The following CNTNAP2 variants were observed in gnomAD, a reference collection of about 807,000 sequenced individuals.
CNTNAP2 encodes the protein contactin-associated protein-like 2.
Under a neutral mutation model 155.2 loss-of-function variants are expected in CNTNAP2, and 98 were observed. That is an observed-to-expected ratio of 0.63 (90% CI 0.54 to 0.75). The LOEUF is 0.75. CNTNAP2 is among the 30% of genes least tolerant of loss of function. The pLI is 0.00. For missense variants in CNTNAP2, 1,727 were observed against 1,688.1 expected (o/e 1.02, Z -0.40); for synonymous variants, 651 against 631.2 (o/e 1.03, Z -0.47).
At chr7:146,926,600 C>G (rs894210809) in intron 3 of CNTNAP2, among the ~76,000 whole-genome samples, 7 of 151,938 alleles carry the variant, frequency 4.6e-5, no homozygotes, top group Non-Finnish European at 1.0e-4. Context: ...AGTCTATTAC[C>G]CAGGCTTGTG....
At chr7:147,609,689 G>A (rs984923986) in intron 12 of CNTNAP2, among the ~76,000 whole-genome samples, 1 of 152,158 alleles carries the variant, frequency 6.6e-6, no homozygotes, top group African/African-American at 2.4e-5. Flanking sequence ...TATCCTCTGA[G>A]GGTTTGATGA....
chr7:146,590,792 C>T (rs1798769846), intron 1 of CNTNAP2, among the ~76,000 whole-genome samples: 1 of 152,190 alleles, frequency 6.6e-6, no homozygotes, highest in South Asian at 2.1e-4. Flanking sequence ...TATCACACAG[C>T]ATGGTAGGCA....
intron 9 of CNTNAP2, among the ~76,000 whole-genome samples, chr7:147,358,262 T>C (rs1343953825): frequency 6.6e-6 from 1 of 152,182 alleles, no homozygotes; most frequent in Non-Finnish European, 1.5e-5. Flanking sequence ...GCAGATTTTC[T>C]TAAACCTCAG....
At chr7:146,435,300 A>T (rs577194451) in intron 1 of CNTNAP2, among the ~76,000 whole-genome samples, 1 of 152,298 alleles carries the variant, frequency 6.6e-6, no homozygotes, top group African/African-American at 2.4e-5. Context: ...TAATTCTTGT[A>T]AATTTAACTC....
chr7:147,239,627 A>T (rs1385119322), intron 8 of CNTNAP2, among the ~76,000 whole-genome samples: 2 of 152,138 alleles, frequency 1.3e-5, no homozygotes, highest in Non-Finnish European at 1.5e-5. Context: ...TGACTATATT[A>T]TGAAGGACAA....
At chr7:148,148,589 C>G (rs1294490930) in intron 17 of CNTNAP2, among the ~76,000 whole-genome samples, 2 of 152,210 alleles carry the variant, frequency 1.3e-5, no homozygotes, top group Non-Finnish European at 2.9e-5. Context: ...GACTTGGTTG[C>G]TGTTCATATT....
intron 1 of CNTNAP2, among the ~76,000 whole-genome samples, chr7:146,213,690 C>A (rs1251585081): frequency 6.6e-6 from 1 of 152,054 alleles, no homozygotes; most frequent in Non-Finnish European, 1.5e-5. Context: ...TATCCCAGTT[C>A]CCAAGCCATG....
intron 2 of CNTNAP2, among the ~76,000 whole-genome samples, chr7:146,822,016 T>G (rs906833611): frequency 1.3e-5 from 2 of 152,036 alleles, no homozygotes; most frequent in East Asian, 1.9e-4. Context: ...TAAAGACACA[T>G]GCACACGTAT....
At chr7:146,348,380 G>T (rs967673898) in intron 1 of CNTNAP2, among the ~76,000 whole-genome samples, 3 of 151,992 alleles carry the variant, frequency 2.0e-5, no homozygotes, top group Non-Finnish European at 4.4e-5. Context: ...AGTGGAGATC[G>T]TGCCACTGCA....
chr7:148,153,404 A>C (rs1251467053), intron 17 of CNTNAP2, among the ~76,000 whole-genome samples: 1 of 152,208 alleles, frequency 6.6e-6, no homozygotes, highest in African/African-American at 2.4e-5. Flanking sequence ...AAAAACTAAG[A>C]GACACAGAAA....
chr7:147,342,753 C>T (rs955265858), intron 9 of CNTNAP2, among the ~76,000 whole-genome samples: 2 of 151,968 alleles, frequency 1.3e-5, no homozygotes, highest in Non-Finnish European at 2.9e-5. Flanking sequence ...ATACAAGCCA[C>T]AACAGAACAG....
chr7:146,647,789 C>T (rs1381399553), intron 1 of CNTNAP2, among the ~76,000 whole-genome samples: 1 of 152,154 alleles, frequency 6.6e-6, no homozygotes, highest in African/African-American at 2.4e-5. Context: ...ATCTCTTTAC[C>T]TATTCTTTTG....
chr7:147,856,380 C>A (rs1444317309), intron 13 of CNTNAP2, among the ~76,000 whole-genome samples: 3 of 152,132 alleles, frequency 2.0e-5, no homozygotes, highest in African/African-American at 7.2e-5. Flanking sequence ...CACTAATCGC[C>A]CTTCTCATAT....
At chr7:147,485,308 A>G (rs1029249015) in intron 10 of CNTNAP2, among the ~76,000 whole-genome samples, 7 of 152,220 alleles carry the variant, frequency 4.6e-5, no homozygotes, top group African/African-American at 1.7e-4. Context: ...AAGTAGCTAC[A>G]ATTAGTCATC....
intron 11 of CNTNAP2, among the ~76,000 whole-genome samples, chr7:147,556,444 CT>C (rs1799953821): frequency 6.6e-6 from 1 of 152,060 alleles, no homozygotes; most frequent in African/African-American, 2.4e-5. Flanking sequence ...GGCAAAGGGA[CT>C]TTGTGCTTGT....
At chr7:147,568,827 A>G (rs1054251495) in intron 12 of CNTNAP2, among the ~76,000 whole-genome samples, 10 of 152,178 alleles carry the variant, frequency 6.6e-5, no homozygotes, top group African/African-American at 2.4e-4. Context: ...CTAGATGATT[A>G]ATAGTAACAA....
chr7:147,762,437 A>T (rs974218798), intron 13 of CNTNAP2, among the ~76,000 whole-genome samples: 6 of 152,114 alleles, frequency 3.9e-5, no homozygotes, highest in African/African-American at 1.2e-4. Flanking sequence ...GGATGAGTTC[A>T]GTTGTAAGCC....
At position 146,839,789 on chromosome 7, in the gene CNTNAP2, G is replaced by C. The variant is rs1254606195; in HGVS notation, c.287G>C (p.Ser96Thr). The stretch of plus-strand genomic sequence containing the variant: ...GACTTTGGCAATCGGAAGCAGATCA[G>C]TGCCATTGCAACCCAAGGAAGGTAT... ...QVDFGNRKQISAIATQGRYSS... is the reference protein window; with the variant it reads ...QVDFGNRKQITAIATQGRYSS... Residue 96 changes from serine (S) to threonine (T), a missense_variant, in exon 3 of 24, where the codon AGT (serine) becomes ACT (threonine). Transcript: ENST00000361727. 2 of 1,614,176 alleles carry C rather than the reference G, an allele frequency of 1.2e-6. No homozygotes were observed. The highest frequency in any genetic ancestry group is 2.2e-5 in the East Asian group (1 of 44,874).
chr7:148,058,986 T>TCATCAAGGGC (rs1334737447), intron 15 of CNTNAP2, among the ~76,000 whole-genome samples: 1 of 151,896 alleles, frequency 6.6e-6, no homozygotes, highest in African/African-American at 2.4e-5. Flanking sequence ...TTATGAAAAT[T>TCATCAAGGGC]CATCAAGGGC....
Sources: gnomAD v4.1 joint callset for allele counts (sites outside exome capture counted in the v4.1 genomes callset) on GRCh38, gnomAD v4.1.1 for gene constraint, MANE v1.5 for transcripts, NCBI Gene and HGNC (gene_info 2026-07-23, HGNC 2026-07-21) for gene names.